Variants in EPRS1 observed in about 807,000 individuals in gnomAD.
EPRS1 encodes bifunctional glutamate/proline--tRNA ligase.
In EPRS1, 107 loss-of-function variants were observed where a neutral mutation model predicts 188.3. That is an observed-to-expected ratio of 0.57 (90% CI 0.49 to 0.67). The LOEUF (loss-of-function observed/expected upper bound fraction) is 0.67. Ranked by LOEUF, EPRS1 falls within the 30% of genes least tolerant of loss-of-function variation. The probability of loss-of-function intolerance (pLI) is 0.00; values close to 1 mark genes in which losing one functional copy is unlikely to be tolerated. For synonymous variants in EPRS1, 596 were observed against 593.1 expected (o/e 1.00, Z -0.07); for missense variants, 1,577 against 1,802.2 (o/e 0.88, Z 2.26).
chr1:220,030,621 G>A, intron 5 of EPRS1, 141 bp from the exon 6 acceptor site: 1 of 635,070 alleles, frequency 1.6e-6, no homozygotes, highest in South Asian at 1.9e-5. Context: ...ACACTTGAGG[G>A]TACAAAATCT....
chr1:220,022,498 T>C lies in EPRS1; in HGVS notation c.964A>G (p.Met322Val), dbSNP rs756493134. ...CTCCCTTTTTTCATTTCTTCCCACA[T>C]TTGTAGATTCTTCTCAATAGCTATA... is the stretch of plus-strand genomic sequence containing the variant. ...RKNPIEKNLQ[M>V]WEEMKKGSQF... Residue 322 changes from methionine (M) to valine (V), a missense_variant, in exon 9 of 32, where the codon ATG becomes GTG. Met to Val is a conservative substitution (Grantham distance 21). Around this residue, in one of 3 missense-constraint regions of EPRS1, gnomAD observed 1,278 missense variants for 1,457.4 expected, o/e 0.88. Coordinates refer to ENST00000366923, the MANE Select transcript of EPRS1 (RefSeq NM_004446.3). The C allele has an allele frequency of 5.0e-6, 8 of 1,613,116 alleles. No homozygotes were observed. Among genetic ancestry groups the C allele is most frequent in the Non-Finnish European group, 4.2e-6 (5 of 1,179,628 alleles).
At chr1:220,035,077 T>C (rs749216198) in intron 2 of EPRS1, 64 bp from the exon 3 acceptor site, 2 of 775,160 alleles carry the variant, frequency 2.6e-6, no homozygotes, top group South Asian at 1.7e-5. Context: ...TCATGAGACT[T>C]ATGAAGAAAT....
intron 16 of EPRS1, 29 bp from the exon 17 acceptor site, chr1:220,001,284 T>C: frequency 7.4e-7 from 1 of 1,350,784 alleles, no homozygotes; most frequent in Non-Finnish European, 1.1e-6. Context: ...GACAAAATAG[T>C]TTATTTGAAC....
In EPRS1 at chr1:220,034,344, G is replaced by A. The variant is rs960288317; in HGVS notation, c.231+570C>T. 7.2e-5 allele frequency among the ~76,000 whole-genome samples: 11 copies of A among 152,308 alleles called. No homozygotes were observed. The South Asian group carries it at 2.3e-3, about 32-fold the overall frequency. On this transcript the variant is annotated intron_variant, in intron 3 of 31. Coordinates refer to ENST00000366923, the MANE Select transcript of EPRS1 (RefSeq NM_004446.3). ...CTACACTGTATAGCCTAGGTGGGTA[G>A]TAGGCTATCCCCTTTAGGTTTTTGT...
chr1:219,974,834 T>A (rs956376831), intron 28 of EPRS1, among the ~76,000 whole-genome samples: 3 of 152,174 alleles, frequency 2.0e-5, no homozygotes, highest in African/African-American at 7.2e-5. Flanking sequence ...AAGAAATACA[T>A]CTTGTCCTCT....
chr1:220,007,107 C>T, intron 14 of EPRS1, 95 bp downstream of exon 14: 2 of 1,088,174 alleles, frequency 1.8e-6, no homozygotes, highest in Non-Finnish European at 2.6e-6. Context: ...TAGTCAGCAA[C>T]ATGTATGGGT....
chr1:220,022,279 C>T, intron 9 of EPRS1, 68 bp downstream of exon 9: 2 of 1,382,680 alleles, frequency 1.4e-6, no homozygotes, highest in Non-Finnish European at 2.0e-6. Flanking sequence ...TGCTTGTACT[C>T]CATGTTTAAA....
chr1:219,972,954 A>T (rs1297765113), intron 29 of EPRS1, among the ~76,000 whole-genome samples: 1 of 152,234 alleles, frequency 6.6e-6, no homozygotes, highest in Non-Finnish European at 1.5e-5. Context: ...CAATGCCTGA[A>T]GCCCTCACAT....
intron 18 of EPRS1, among the ~76,000 whole-genome samples, chr1:219,990,419 T>G (rs1303427648): frequency 6.6e-6 from 1 of 152,188 alleles, no homozygotes; most frequent in Non-Finnish European, 1.5e-5. Context: ...AAAAGTATCA[T>G]TATCATTTTA....
chr1:220,032,008 A>G (rs577033609), intron 5 of EPRS1, among the ~76,000 whole-genome samples: 59 of 152,322 alleles, frequency 3.9e-4, no homozygotes, highest in Non-Finnish European at 7.9e-4. Flanking sequence ...AAATTTATTA[A>G]AAGAAAATAA....
intron 30 of EPRS1, 109 bp downstream of exon 30, chr1:219,971,960 T>A (rs1261560765): frequency 7.8e-6 from 4 of 509,944 alleles, no homozygotes; most frequent in African/African-American, 2.0e-5. Context: ...TACTATCTTT[T>A]TATGTGATTG....
chr1:220,020,834 A>ACTGCAG (rs1394215195), intron 9 of EPRS1, among the ~76,000 whole-genome samples: 7 of 3,784 alleles, frequency 1.8e-3, no homozygotes, highest in Non-Finnish European at 3.8e-3. Flanking sequence ...TTATATATAT[A>ACTGCAG]TATATATATA....
Position 219,978,539 on chromosome 1 carries a change from A to C in EPRS1, c.4083+7T>G. The C allele has an allele frequency of 6.4e-7, 1 of 1,553,830 alleles. No homozygotes were observed. Among genetic ancestry groups the C allele is most frequent in the Middle Eastern group, 1.7e-4 (1 of 5,854 alleles). On this transcript the variant is annotated splice_region_variant and intron_variant, in intron 28 of 31. Coordinates refer to ENST00000366923, the MANE Select transcript of EPRS1 (RefSeq NM_004446.3). ...TTGGGGGTAAAAGATAAAGCTTAGG[A>C]ATTTACCTTGAGCTCCCAGTGATTG...
intron 1 of EPRS1, among the ~76,000 whole-genome samples, chr1:220,043,193 A>C (rs1478989882): frequency 1.3e-5 from 2 of 152,162 alleles, no homozygotes; most frequent in Non-Finnish European, 2.9e-5. Context: ...CTACATGATG[A>C]CTGTGGTGTA....
chr1:220,020,697 T>TAA (rs56386723), intron 9 of EPRS1, among the ~76,000 whole-genome samples: 2,670 of 144,056 alleles, frequency 0.019, 80 homozygotes, highest in African/African-American at 0.057. Context: ...ATTCACTGTG[T>TAA]AAAAAAAAAA....
intron 10 of EPRS1, 24 bp from the exon 11 acceptor site, chr1:220,019,103 A>ATC (rs1349874863): frequency 6.8e-7 from 1 of 1,475,908 alleles, no homozygotes; most frequent in Admixed American, 1.7e-5. Flanking sequence ...AATTTTAAGT[A>ATC]CCAAGGAAAT....
intron 12 of EPRS1, among the ~76,000 whole-genome samples, chr1:220,016,697 G>A (rs1661722760): frequency 1.4e-5 from 2 of 140,140 alleles, no homozygotes; most frequent in Non-Finnish European, 3.0e-5. Context: ...GGGAGTAGAG[G>A]CATGAGAACC....
intron 1 of EPRS1, among the ~76,000 whole-genome samples, chr1:220,046,093 T>C (rs1163641837): frequency 6.6e-6 from 1 of 152,170 alleles, no homozygotes; most frequent in African/African-American, 2.4e-5. Context: ...AGTCTCGTGT[T>C]GTCTAGCCCG....
intron 12 of EPRS1, among the ~76,000 whole-genome samples, 193 bp from the exon 13 acceptor site, chr1:220,011,249 T>C (rs1055791669): frequency 4.6e-5 from 7 of 152,162 alleles, no homozygotes; most frequent in African/African-American, 1.4e-4. Context: ...CAAGACTACA[T>C]GAAGGATTTA....
Sources: gnomAD v4.1 joint callset for allele counts (sites outside exome capture counted in the v4.1 genomes callset) on GRCh38, gnomAD v4.1.1 for gene constraint, gnomAD v4.1.1 regional missense constraint, MANE v1.5 for transcripts, NCBI Gene and HGNC (gene_info 2026-07-23, HGNC 2026-07-21) for gene names.